SLC44A3: variants seen among roughly 807,000 people sequenced by gnomAD.
SLC44A3 encodes solute carrier family 44 member 3.
Under a neutral mutation model 75.4 loss-of-function variants are expected in SLC44A3, and 74 were observed. That is an observed-to-expected ratio of 0.98 (90% CI 0.81 to 1.19). The LOEUF (loss-of-function observed/expected upper bound fraction) is 1.19. Ranked by LOEUF, SLC44A3 falls within the 50% of genes most tolerant of loss-of-function variation. The probability of loss-of-function intolerance (pLI) is 0.00; values close to 1 mark genes in which losing one functional copy is unlikely to be tolerated. For synonymous variants in SLC44A3, 310 were observed against 296.9 expected, an observed-to-expected ratio of 1.04 and a Z score of -0.45; for missense variants, 700 against 778.6, an observed-to-expected ratio of 0.90 and a Z score of 1.20.
intron 1 of SLC44A3, chr1:94,820,719 T>A (rs1041054802): frequency 3.2e-5 from 45 of 1,390,782 alleles, no homozygotes; most frequent in Non-Finnish European, 5.6e-6. Context: ...CAGGTGCACC[T>A]CCAGGTAAGC....
At chr1:94,825,973 C>G in intron 3 of SLC44A3, 1 of 454,496 alleles carries the variant, frequency 2.2e-6, no homozygotes, top group South Asian at 1.6e-5. Context: ...TCTCAAAAGC[C>G]AAAAGGTAGA....
intron 12 of SLC44A3, among the ~76,000 whole-genome samples, chr1:94,873,766 T>A (rs1668006464): frequency 6.6e-6 from 1 of 152,196 alleles, no homozygotes; most frequent in Admixed American, 6.5e-5. Flanking sequence ...CTCCAGTGAC[T>A]CCTCCTTTCT....
chr1:94,868,875 G>T (rs998852610), intron 12 of SLC44A3, among the ~76,000 whole-genome samples: 2 of 152,222 alleles, frequency 1.3e-5, no homozygotes, highest in Non-Finnish European at 2.9e-5. Flanking sequence ...TTTCACTCAT[G>T]GTTTTCATAC....
At chr1:94,851,503 G>A (rs970693760) in intron 9 of SLC44A3, among the ~76,000 whole-genome samples, 2 of 152,136 alleles carry the variant, frequency 1.3e-5, no homozygotes, top group Non-Finnish European at 2.9e-5. Context: ...AACACGTGAG[G>A]GCCAGGACCA....
chr1:94,853,671 T>A (rs1665497243), intron 9 of SLC44A3, among the ~76,000 whole-genome samples: 1 of 152,040 alleles, frequency 6.6e-6, no homozygotes, highest in African/African-American at 2.4e-5. Context: ...CTAGCAGAGG[T>A]TTTCTGATTG....
At chr1:94,833,131 C>G (rs1189884027) in intron 5 of SLC44A3, among the ~76,000 whole-genome samples, 1 of 152,130 alleles carries the variant, frequency 6.6e-6, no homozygotes, top group Non-Finnish European at 1.5e-5. Flanking sequence ...TCTGTTTATT[C>G]CTGCCCTCCT....
chr1:94,829,025 G>A (rs1393824809), intron 5 of SLC44A3, among the ~76,000 whole-genome samples: 3 of 152,078 alleles, frequency 2.0e-5, no homozygotes, highest in South Asian at 2.1e-4. Flanking sequence ...CGGATCACGA[G>A]GTCAGGAGAT....
intron 10 of SLC44A3, among the ~76,000 whole-genome samples, chr1:94,861,550 A>T (rs148243720): frequency 1.1e-3 from 171 of 152,290 alleles, no homozygotes; most frequent in Non-Finnish European, 2.1e-3. Context: ...ACACACAATG[A>T]TTTATTTTTA....
chr1:94,837,854 T>C lies in SLC44A3; in HGVS notation c.653T>C (p.Leu218Pro), dbSNP rs890459558. Reference protein sequence around the residue: ...IMSGRDTILGLCILALALSLA... With the variant: ...IMSGRDTILGPCILALALSLA... ...TCGGGAAGAGATACAATCCTTGGCC[T>C]GTGTATCCTCGCATTAGGTAATTCT... Residue 218 changes from leucine (L) to proline (P), a missense_variant, in exon 6 of 15, where the codon CTG (leucine) becomes CCG (proline). Physicochemically the swap from Leu to Pro is moderately conservative, Grantham distance 98 (BLOSUM62 -3). Transcript: ENST00000271227. The C allele has an allele frequency of 1.3e-6, 2 of 1,598,554 alleles. No individual in the cohort carries two copies. Among genetic ancestry groups the C allele is most frequent in the Non-Finnish European group, 1.7e-6 (2 of 1,175,576 alleles).
Position 94,892,500 on chromosome 1 carries a change from A to G in SLC44A3, c.1840A>G (p.Met614Val), listed in dbSNP as rs745920106. The G allele has an allele frequency of 2.5e-6, 4 of 1,613,950 alleles. No individual in the cohort carries two copies. The highest frequency in any genetic ancestry group is 3.4e-6 in the Non-Finnish European group (4 of 1,179,976). The change falls in exon 14 of 15, where the codon ATG becomes GTG. Residue 614 changes from methionine (M) to valine (V), a missense_variant. Met to Val is a conservative substitution (Grantham distance 21). Transcript: ENST00000271227. ...NDGSSEKPYF[M>V]DQEFLSFVKR... is the part of the protein sequence containing the mutation. ...TGGATCGTCAGAAAAGCCCTACTTT[A>G]TGGATCAAGAATTTCTGGTAAGCAA... is the stretch of plus-strand genomic sequence containing the variant.
intron 9 of SLC44A3, among the ~76,000 whole-genome samples, chr1:94,856,958 T>C (rs1191794174): frequency 1.3e-5 from 2 of 152,174 alleles, no homozygotes; most frequent in Admixed American, 1.3e-4. Context: ...CTTGAACTCC[T>C]GACCTCAGGT....
At chr1:94,862,558 G>C (rs745722583) in intron 10 of SLC44A3, among the ~76,000 whole-genome samples, 8 of 152,204 alleles carry the variant, frequency 5.3e-5, no homozygotes, top group Non-Finnish European at 1.0e-4. Flanking sequence ...AACTGGCTTC[G>C]TTGTTCTGGG....
chr1:94,878,716 G>T (rs567330310), intron 12 of SLC44A3, among the ~76,000 whole-genome samples: 64 of 152,328 alleles, frequency 4.2e-4, no homozygotes, highest in African/African-American at 1.5e-3. Flanking sequence ...CATAAACATA[G>T]ATACACTGTG....
At chr1:94,867,125 C>G (rs780299941) in intron 11 of SLC44A3, among the ~76,000 whole-genome samples, 1 of 151,990 alleles carries the variant, frequency 6.6e-6, no homozygotes, top group Non-Finnish European at 1.5e-5. Flanking sequence ...ACCCCTAACA[C>G]GTAAGTCCAC....
Position 94,820,934 on chromosome 1 carries a change from C to T in SLC44A3, c.28-15C>T. 6.5e-7 allele frequency: 1 copy of T among 1,547,462 alleles called. No individual in the cohort carries two copies. The highest frequency in any genetic ancestry group is 2.4e-5 in the East Asian group (1 of 40,898). ...TGTTTATCTTCTTTTTCTCAACTCT[C>T]CCTTTTTCTGGAAGGTTTCTGCAGA... On this transcript the variant is annotated splice_polypyrimidine_tract_variant and intron_variant, in intron 1 of 14. Transcript: ENST00000271227.
chr1:94,891,402 C>A, intron 13 of SLC44A3, 135 bp downstream of exon 13: 1 of 952,864 alleles, frequency 1.0e-6, no homozygotes, highest in Non-Finnish European at 1.5e-6. Context: ...TCATTTAATC[C>A]TCAATCCCAT....
chr1:94,825,241 A>T (rs564468507), intron 3 of SLC44A3, among the ~76,000 whole-genome samples: 1 of 152,244 alleles, frequency 6.6e-6, no homozygotes, highest in Non-Finnish European at 1.5e-5. Flanking sequence ...ATCCCTGACC[A>T]TGAACTTCTA....
chr1:94,864,763 A>G lies in SLC44A3; in HGVS notation c.1259A>G (p.Asp420Gly). The G allele has an allele frequency of 6.2e-7, 1 of 1,613,428 alleles. No homozygotes were observed. The highest frequency in any genetic ancestry group is 8.5e-7 in the Non-Finnish European group (1 of 1,179,706). Reference sequence around the variant, plus strand: ...TCCAGAAGTAAAAATGATCCTCCTGATCATCCCATCCTTTCGTCTCTCTCC... The same window carrying G: ...TCCAGAAGTAAAAATGATCCTCCTGGTCATCCCATCCTTTCGTCTCTCTCC... Reference protein sequence around the residue: ...YFNRSKNDPPDHPILSSLSIL... With the variant: ...YFNRSKNDPPGHPILSSLSIL... Residue 420 changes from aspartate to glycine, a missense_variant, in exon 11 of 15, where the codon GAT becomes GGT. Physicochemically the swap from Asp to Gly is moderately conservative, Grantham distance 94. Coordinates refer to ENST00000271227, the MANE Select transcript of SLC44A3 (RefSeq NM_001114106.3).
intron 12 of SLC44A3, among the ~76,000 whole-genome samples, chr1:94,883,029 T>C (rs940407734): frequency 6.6e-6 from 1 of 151,524 alleles, no homozygotes; most frequent in Non-Finnish European, 1.5e-5. Flanking sequence ...TTTCTTTATC[T>C]GTTCAACAAA....
Sources: gnomAD v4.1 joint callset for allele counts (sites outside exome capture counted in the v4.1 genomes callset) on GRCh38, gnomAD v4.1.1 for gene constraint, MANE v1.5 for transcripts, NCBI Gene and HGNC (gene_info 2026-07-23, HGNC 2026-07-21) for gene names.